PPP4R2: variants seen among roughly 807,000 people sequenced by gnomAD.
PPP4R2 encodes protein phosphatase 4 regulatory subunit 2.
In PPP4R2, 13 loss-of-function variants were observed where a neutral mutation model predicts 47.2. The ratio of observed to expected loss-of-function variants is 0.28; its 90% CI spans 0.18 to 0.44. PPP4R2 has a LOEUF of 0.44. Ranked by LOEUF, PPP4R2 falls within the 20% of genes least tolerant of loss-of-function variation. The pLI is 1.00. For synonymous variants in PPP4R2, 151 were observed against 163.3 expected, an observed-to-expected ratio of 0.92 and a Z score of 0.57; for missense variants, 421 against 491.2, an observed-to-expected ratio of 0.86 and a Z score of 1.35.
At chr3:73,027,109 G>A (rs1702082056) in intron 2 of PPP4R2, among the ~76,000 whole-genome samples, 1 of 152,140 alleles carries the variant, frequency 6.6e-6, no homozygotes, top group Admixed American at 6.5e-5. Context: ...ATGCATTACA[G>A]TTCAAATATG....
intron 2 of PPP4R2, among the ~76,000 whole-genome samples, chr3:73,004,229 T>TG (rs1701547009): frequency 6.6e-6 from 1 of 151,718 alleles, no homozygotes; most frequent in South Asian, 2.1e-4. Flanking sequence ...TTGTTGAGCA[T>TG]GGGGTCTCGC....
intron 5 of PPP4R2, chr3:73,062,712 C>G (rs897290962): frequency 2.5e-6 from 4 of 1,613,908 alleles, no homozygotes; most frequent in Admixed American, 1.7e-5. Context: ...AGTTCAGAGA[C>G]GATTCAAGGC....
At chr3:73,049,668 T>G (rs543393260) in intron 3 of PPP4R2, among the ~76,000 whole-genome samples, 1 of 151,894 alleles carries the variant, frequency 6.6e-6, no homozygotes, top group African/African-American at 2.4e-5. Context: ...GCATATTTAC[T>G]TGTTATTCTG....
chr3:73,000,094 T>A (rs1701428016), intron 2 of PPP4R2, among the ~76,000 whole-genome samples: 1 of 152,202 alleles, frequency 6.6e-6, no homozygotes, highest in African/African-American at 2.4e-5. Context: ...TTGCTTAAGA[T>A]AAGCATTTCC....
Position 73,065,725 on chromosome 3 carries a change from A to G in PPP4R2, c.*3A>G. On this transcript the variant is annotated 3_prime_UTR_variant, in exon 9 of 9. Transcript: ENST00000356692. ...ATGAACCAATGGAACAAGACTAACT[A>G]TTTAGAAACATTTAGATGCAGTATT... 2.6e-6 allele frequency: 4 copies of G among 1,563,548 alleles called. No homozygotes were observed. The highest frequency in any genetic ancestry group is 1.2e-5 in the South Asian group (1 of 86,398).
At chr3:73,048,572 G>A (rs575175865) in intron 3 of PPP4R2, among the ~76,000 whole-genome samples, 11 of 152,060 alleles carry the variant, frequency 7.2e-5, no homozygotes, top group Admixed American at 1.3e-4. Flanking sequence ...GTATTTTTAC[G>A]GTTTCCTTTA....
At chr3:73,035,908 G>A (rs565629331) in intron 2 of PPP4R2, among the ~76,000 whole-genome samples, 25 of 152,270 alleles carry the variant, frequency 1.6e-4, no homozygotes, top group African/African-American at 5.3e-4. Flanking sequence ...GAGCCACTGC[G>A]CCCGGCCAAT....
chr3:73,015,970 G>C lies in PPP4R2; in HGVS notation c.116+17812G>C, dbSNP rs927425361. On this transcript the variant is annotated intron_variant, in intron 2 of 8. Coordinates refer to ENST00000356692, the MANE Select transcript of PPP4R2 (RefSeq NM_174907.4). Reference sequence around the variant, plus strand: ...TTGAGTAGAGACAGGGTTTCACCATGTTATCCAGGCTGGTCTCGAACTCCT... The same window carrying C: ...TTGAGTAGAGACAGGGTTTCACCATCTTATCCAGGCTGGTCTCGAACTCCT... 8.1e-5 allele frequency: 18 copies of C among 221,374 alleles called. No individual in the cohort carries two copies. In the East Asian group the frequency reaches 2.0e-3, roughly 25 times the overall value. 13.7% of individuals were successfully genotyped at this position (221,374 alleles called of 1,614,324 possible). A position where few individuals can be genotyped will look rare whatever the true frequency, so the allele number is the denominator to read the frequency against.
chr3:73,053,415 T>G (rs185004132), intron 3 of PPP4R2, among the ~76,000 whole-genome samples: 300 of 152,310 alleles, frequency 2.0e-3, no homozygotes, highest in African/African-American at 6.6e-3. Flanking sequence ...AACTTAAAAA[T>G]TGAAATTAAC....
intron 2 of PPP4R2, among the ~76,000 whole-genome samples, chr3:73,016,511 G>C (rs1001448077): frequency 2.0e-5 from 3 of 152,040 alleles, no homozygotes; most frequent in Non-Finnish European, 2.9e-5. Flanking sequence ...CATACCTGAA[G>C]ATTTTAAAAG....
intron 2 of PPP4R2, among the ~76,000 whole-genome samples, chr3:73,028,256 CAAA>C (rs60279021): frequency 0.27 from 32,640 of 120,434 alleles, 5,380 homozygotes; most frequent in African/African-American, 0.5. Context: ...GACTCCGTCT[CAAA>C]AAAAAAAAAA....
chr3:73,048,550 A>T (rs1559563246), intron 3 of PPP4R2, among the ~76,000 whole-genome samples: 1 of 152,194 alleles, frequency 6.6e-6, no homozygotes, highest in Non-Finnish European at 1.5e-5. Context: ...CCCCGCGCCC[A>T]GCCAGGACTT....
chr3:73,010,862 A>G (rs957871123), intron 2 of PPP4R2, among the ~76,000 whole-genome samples: 1 of 152,324 alleles, frequency 6.6e-6, no homozygotes, highest in South Asian at 2.1e-4. Context: ...CTAAATGGCA[A>G]ATATTTAATG....
rs566551741 is a variant in PPP4R2 at position 73,066,743 on chromosome 3, C to T, written c.*1021C>T. The T allele has an allele frequency of 1.3e-5, 2 of 152,092 alleles. No homozygotes were observed. Among genetic ancestry groups the T allele is most frequent in the Admixed American group, 6.5e-5 (1 of 15,270 alleles). 9.4% of individuals were successfully genotyped at this position (152,092 alleles called of 1,614,324 possible). A position where few individuals can be genotyped will look rare whatever the true frequency, so the allele number is the denominator to read the frequency against. On this transcript the variant is annotated 3_prime_UTR_variant, in exon 9 of 9. Transcript: ENST00000356692. ...GTCAATGGTATGAAACACCACTGTA[C>T]TGGAAGAATTAATATATTACTTTAG...
intron 3 of PPP4R2, among the ~76,000 whole-genome samples, chr3:73,057,154 T>A (rs995319572): frequency 2.0e-5 from 3 of 152,128 alleles, no homozygotes; most frequent in Non-Finnish European, 4.4e-5. Context: ...AAATCCACGA[T>A]AATACTGGGT....
At chr3:72,997,273 C>T in intron 1 of PPP4R2, 1 of 415,154 alleles carries the variant, frequency 2.4e-6, no homozygotes, top group Non-Finnish European at 4.3e-6. Flanking sequence ...TTGTGTCGGC[C>T]GCCGGCGTCT....
chr3:73,024,713 C>G (rs1174699932), intron 2 of PPP4R2, among the ~76,000 whole-genome samples: 2 of 151,912 alleles, frequency 1.3e-5, no homozygotes, highest in Non-Finnish European at 2.9e-5. Flanking sequence ...GCTCAGATTT[C>G]TGCTTTTAAG....
intron 2 of PPP4R2, among the ~76,000 whole-genome samples, chr3:73,003,374 G>T (rs1701523539): frequency 6.6e-6 from 1 of 151,934 alleles, no homozygotes; most frequent in Admixed American, 6.6e-5. Flanking sequence ...ACCATTGCCT[G>T]GCTAATTTTT....
At chr3:73,039,921 G>T (rs1397403841) in intron 2 of PPP4R2, among the ~76,000 whole-genome samples, 1 of 152,200 alleles carries the variant, frequency 6.6e-6, no homozygotes, top group East Asian at 1.9e-4. Flanking sequence ...AGGCATGGTG[G>T]CAGGTGCCTG....
Sources: gnomAD v4.1 joint callset for allele counts (sites outside exome capture counted in the v4.1 genomes callset) on GRCh38, gnomAD v4.1.1 for gene constraint, MANE v1.5 for transcripts, NCBI Gene and HGNC (gene_info 2026-07-23, HGNC 2026-07-21) for gene names.